Variants in UBE2E2 observed in about 807,000 individuals in gnomAD.
UBE2E2 encodes ubiquitin-conjugating enzyme E2 E2.
A neutral mutation model predicts 24.7 loss-of-function variants in UBE2E2; 6 were observed. The observed-to-expected ratio is 0.24, with a 90% confidence interval of 0.13 to 0.48. The LOEUF (loss-of-function observed/expected upper bound fraction) is 0.48. Ranked by LOEUF, UBE2E2 falls within the 20% of genes least tolerant of loss-of-function variation. The pLI is 0.99. For synonymous variants in UBE2E2, 104 were observed against 83.6 expected (o/e 1.24, Z -1.33); for missense variants, 169 against 245.0 (o/e 0.69, Z 2.07).
intron 4 of UBE2E2, among the ~76,000 whole-genome samples, chr3:23,519,757 G>A (rs186405250): frequency 6.6e-6 from 1 of 152,196 alleles, no homozygotes; most frequent in East Asian, 1.9e-4. Context: ...GTTCACTGCA[G>A]CCTCAACCTT....
chr3:23,565,099 G>C (rs1004759863), intron 5 of UBE2E2, among the ~76,000 whole-genome samples: 2 of 152,032 alleles, frequency 1.3e-5, no homozygotes, highest in African/African-American at 4.8e-5. Context: ...ACACGCTTTT[G>C]TTCCCATTAT....
intron 3 of UBE2E2, among the ~76,000 whole-genome samples, chr3:23,403,437 C>T (rs115093398): frequency 0.014 from 2,159 of 152,294 alleles, 53 homozygotes; most frequent in African/African-American, 0.05. Context: ...TCTGAATATA[C>T]ATACTTGGCT....
intron 3 of UBE2E2, among the ~76,000 whole-genome samples, chr3:23,495,545 T>C (rs1326474640): frequency 6.6e-6 from 1 of 152,252 alleles, no homozygotes; most frequent in Non-Finnish European, 1.5e-5. Context: ...TGTGTACTTT[T>C]TAACTGAATT....
At chr3:23,350,644 A>G (rs1305799057) in intron 3 of UBE2E2, among the ~76,000 whole-genome samples, 1 of 152,228 alleles carries the variant, frequency 6.6e-6, no homozygotes, top group Non-Finnish European at 1.5e-5. Flanking sequence ...CAGTGATGGA[A>G]GACGAAATGA....
chr3:23,239,361 A>G (rs1220651187), intron 3 of UBE2E2, among the ~76,000 whole-genome samples: 2 of 152,174 alleles, frequency 1.3e-5, no homozygotes, highest in Non-Finnish European at 2.9e-5. Flanking sequence ...ACGTTGTGCA[A>G]CTGTCACTGT....
At chr3:23,278,703 A>T (rs560556620) in intron 3 of UBE2E2, among the ~76,000 whole-genome samples, 6 of 152,292 alleles carry the variant, frequency 3.9e-5, no homozygotes, top group East Asian at 1.9e-4. Flanking sequence ...TTGAGCAATC[A>T]TGTAACTACA....
chr3:23,457,783 G>C (rs527279817), intron 3 of UBE2E2, among the ~76,000 whole-genome samples: 47 of 152,268 alleles, frequency 3.1e-4, no homozygotes, highest in Non-Finnish European at 1.2e-4. Context: ...TTTTTCCTTT[G>C]TGTCTCATGA....
Position 23,413,553 on chromosome 3 carries a change from A to G in UBE2E2, c.228-86055A>G, listed in dbSNP as rs141695275. ...TTTTTCTTCACTTTTGGTGTAAAAG[A>G]TTCTCCTCTCTCTGCCTGGAACCAC... is the stretch of plus-strand genomic sequence containing the variant. On this transcript the variant is annotated intron_variant, in intron 3 of 5. Transcript: ENST00000396703. 4.3e-3 allele frequency among the ~76,000 whole-genome samples: 650 copies of G among 151,930 alleles called. 5 individuals are homozygous for G. Among genetic ancestry groups the G allele is most frequent in the Admixed American group, 0.011 (165 of 15,254 alleles).
intron 3 of UBE2E2, among the ~76,000 whole-genome samples, chr3:23,490,923 T>C (rs140722041): frequency 6.6e-6 from 1 of 152,208 alleles, no homozygotes; most frequent in East Asian, 1.9e-4. Flanking sequence ...TGATTGAGGG[T>C]AAATATCATT....
intron 3 of UBE2E2, among the ~76,000 whole-genome samples, chr3:23,279,359 C>T (rs578058407): frequency 3.3e-5 from 5 of 152,216 alleles, no homozygotes; most frequent in African/African-American, 1.2e-4. Context: ...AAACTGAAAG[C>T]ACACGCTTGG....
At position 23,400,623 on chromosome 3, in the gene UBE2E2, C is replaced by CACACACACACACACAT. The variant is rs1553608503; in HGVS notation, c.228-98970_228-98969insTACACACACACACACA. 7.1e-4 allele frequency among the ~76,000 whole-genome samples: 108 copies of CACACACACACACACAT among 151,260 alleles called. 1 individual carries two copies. In the East Asian group the frequency reaches 0.015, roughly 20 times the overall value. ...AATAAATGAAACACACACACACACACACACACACACACACACACATCTCAG... is the reference window on the plus strand; with the variant it reads ...AATAAATGAAACACACACACACACACACACACACACACACATACACACACACACACACACATCTCAG... On this transcript the variant is annotated intron_variant, in intron 3 of 5. Transcript: ENST00000396703.
intron 3 of UBE2E2, among the ~76,000 whole-genome samples, chr3:23,465,173 T>C (rs1488087795): frequency 6.6e-6 from 1 of 152,208 alleles, no homozygotes; most frequent in Non-Finnish European, 1.5e-5. Context: ...CCAACAATCC[T>C]TTGAGGTAGG....
rs144034387 is a variant in UBE2E2, at chr3:23,220,708, T to C, written c.227+3396T>C. ...TGGGCAGTTGGTTAGAATTGCTCGT[T>C]ACCTTGGTGCCTTGCACACCAGCTT... On this transcript the variant is annotated intron_variant, in intron 3 of 5. Coordinates refer to ENST00000396703, the MANE Select transcript of UBE2E2 (RefSeq NM_152653.4). Among the ~76,000 whole-genome samples, 1,450 of 152,360 alleles carry C rather than the reference T, an allele frequency of 9.5e-3. 14 individuals carry two copies. The highest frequency in any genetic ancestry group is 0.016 in the Non-Finnish European group (1,089 of 68,030).
intron 3 of UBE2E2, among the ~76,000 whole-genome samples, chr3:23,251,698 C>G (rs1052574587): frequency 6.6e-6 from 1 of 152,162 alleles, no homozygotes; most frequent in Non-Finnish European, 1.5e-5. Flanking sequence ...AGCATGTATG[C>G]AAACAGTATT....
At chr3:23,535,447 G>T (rs1180083995) in intron 5 of UBE2E2, among the ~76,000 whole-genome samples, 2 of 151,996 alleles carry the variant, frequency 1.3e-5, no homozygotes, top group African/African-American at 4.8e-5. Context: ...GCTGAACCTT[G>T]ACTTAGTAGG....
rs769574664 is a variant in UBE2E2, at chr3:23,208,814, A to G, written c.115A>G (p.Lys39Glu). The G allele has an allele frequency of 1.9e-6, 3 of 1,613,634 alleles. 1 individual carries two copies. The South Asian group carries it at 3.3e-5, about 18-fold the overall frequency. ...QEPEREQVQP[K>E]KKEGKISSKT... ...ACCAGAAAGAGAACAAGTTCAGCCC[A>G]AGAAAAAGGAGGGAAAAATATCCAG... is the stretch of plus-strand genomic sequence containing the variant. The change falls in exon 2 of 6, where the codon AAG becomes GAG. Residue 39 changes from lysine to glutamate, a missense_variant. Coordinates refer to ENST00000396703, the MANE Select transcript of UBE2E2 (RefSeq NM_152653.4).
In UBE2E2 at chr3:23,464,234, C is replaced by G; in HGVS notation, c.228-35374C>G. Among the ~76,000 whole-genome samples the G allele has an allele frequency of 1.3e-5, 2 of 152,106 alleles. 1 individual carries two copies. On this transcript the variant is annotated intron_variant, in intron 3 of 5. Coordinates refer to ENST00000396703, the MANE Select transcript of UBE2E2 (RefSeq NM_152653.4). ...TACGGTAGATTGGCTGTTTAATCTACTATTTAAATGTACTTACTAGTTTTA... is the reference window on the plus strand; with the variant it reads ...TACGGTAGATTGGCTGTTTAATCTAGTATTTAAATGTACTTACTAGTTTTA...
At chr3:23,368,751 A>G (rs1024220185) in intron 3 of UBE2E2, among the ~76,000 whole-genome samples, 1 of 152,186 alleles carries the variant, frequency 6.6e-6, no homozygotes, top group African/African-American at 2.4e-5. Flanking sequence ...GGAATGGAAG[A>G]TGTGGAATTT....
At chr3:23,487,989 T>TA (rs200515403) in intron 3 of UBE2E2, among the ~76,000 whole-genome samples, 10,723 of 144,504 alleles carry the variant, frequency 0.074, 471 homozygotes, top group Non-Finnish European at 0.09. Context: ...AAGGAATATT[T>TA]AAAAAAAAAA....
Sources: gnomAD v4.1 joint callset for allele counts (sites outside exome capture counted in the v4.1 genomes callset) on GRCh38, gnomAD v4.1.1 for gene constraint, MANE v1.5 for transcripts, NCBI Gene and HGNC (gene_info 2026-07-23, HGNC 2026-07-21) for gene names.